Variants in TIMM44 observed in about 807,000 individuals in gnomAD.
TIMM44 encodes the protein translocase of inner mitochondrial membrane 44, also known as mitochondrial import inner membrane translocase subunit TIM44.
In TIMM44, 37 loss-of-function variants were observed where a neutral mutation model predicts 63.8. The observed-to-expected ratio is 0.58, with a 90% CI of 0.45 to 0.76. The LOEUF (loss-of-function observed/expected upper bound fraction) is 0.76, where lower values mean the gene tolerates loss of function less well. Among genes scored for constraint, TIMM44 ranks in the 30% least tolerant of loss-of-function variants. The pLI, the probability that TIMM44 is intolerant of heterozygous loss-of-function variation, is 0.00. For synonymous variants in TIMM44, 239 were observed against 245.1 expected, an observed-to-expected ratio of 0.98 and a Z score of 0.23; for missense variants, 573 against 603.8, an observed-to-expected ratio of 0.95 and a Z score of 0.54.
At chr19:7,929,695 C>G (rs937246560) in intron 10 of TIMM44, among the ~76,000 whole-genome samples, 4 of 151,032 alleles carry the variant, frequency 2.6e-5, no homozygotes, top group East Asian at 1.9e-4. Flanking sequence ...CCCAGCCCCC[C>G]CCCAGTCATG....
chr19:7,939,003 G>T (rs1984229472), intron 2 of TIMM44, among the ~76,000 whole-genome samples: 1 of 76 alleles, frequency 0.013, no homozygotes, highest in Admixed American at 0.083. Context: ...ATCAGTGGTT[G>T]CCAGGGGTTT....
chr19:7,933,859 C>T lies in TIMM44; in HGVS notation c.683+5G>A, dbSNP rs1984058394. The T allele has an allele frequency of 6.2e-7, 1 of 1,613,964 alleles. No homozygotes were observed. ...GGGCAGCGAGGGCCACGGGCTGGTA[C>T]CTACTCGTTTGGCTCAAACACTTTC... On this transcript the variant is annotated splice_donor_5th_base_variant and intron_variant, in intron 6 of 12. Coordinates refer to ENST00000270538, the MANE Select transcript of TIMM44 (RefSeq NM_006351.4). This position sits in a 1 kb window ranked among gnomAD's most constrained non-coding sequence, Gnocchi z 4.3.
chr19:7,931,345 G>A (rs1983977003), intron 9 of TIMM44, 157 bp from the exon 10 acceptor site: 2 of 727,340 alleles, frequency 2.7e-6, no homozygotes, highest in South Asian at 2.9e-5. Flanking sequence ...GGCACTGGGT[G>A]TCCCCCCCAG....
intron 2 of TIMM44, among the ~76,000 whole-genome samples, 182 bp downstream of exon 2, chr19:7,940,920 T>C (rs1984289523): frequency 1.3e-5 from 2 of 151,774 alleles, no homozygotes; most frequent in South Asian, 2.1e-4. Context: ...AGGTCAAGTG[T>C]TTCTGGGACC....
rs952675860 is a variant in TIMM44 at position 7,933,150 on chromosome 19, T to C, written c.770-218A>G. On this transcript the variant is annotated intron_variant, in intron 7 of 12. Transcript: ENST00000270538. This position sits in a 1 kb window ranked among gnomAD's most constrained non-coding sequence, Gnocchi z 4.3. ...CGCAGAGGCCCCTCAGCTGCGGCCC[T>C]AATGGGGCTGTGTAAGTTATGGGCC... Among the ~76,000 whole-genome samples the C allele has an allele frequency of 2.6e-5, 4 of 152,112 alleles. No individual in the cohort carries two copies. Among genetic ancestry groups the C allele is most frequent in the Non-Finnish European group, 5.9e-5 (4 of 67,996 alleles).
chr19:7,931,654 G>T (rs1599647301), intron 9 of TIMM44: 1 of 187,286 alleles, frequency 5.3e-6, no homozygotes, highest in African/African-American at 2.4e-5. Flanking sequence ...CAGCGAGAGG[G>T]AGGGGTGGGC....
At chr19:7,938,424 A>T (rs1211852967) in intron 2 of TIMM44, among the ~76,000 whole-genome samples, 1 of 152,156 alleles carries the variant, frequency 6.6e-6, no homozygotes, top group African/African-American at 2.4e-5. Context: ...CTGAAAAAAA[A>T]ATGAGCTCTC....
chr19:7,930,370 G>A (rs990017940), intron 10 of TIMM44, among the ~76,000 whole-genome samples: 5 of 147,276 alleles, frequency 3.4e-5, no homozygotes, highest in Non-Finnish European at 7.4e-5. Context: ...GTGCAGTGGC[G>A]CGACCTCAGC....
intron 10 of TIMM44, among the ~76,000 whole-genome samples, chr19:7,930,340 G>C (rs1172891438): frequency 8.4e-6 from 1 of 119,560 alleles, no homozygotes; most frequent in Non-Finnish European, 1.6e-5. Context: ...ACAGAATCTT[G>C]CTCTGTTGCC....
At chr19:7,928,708 G>C (rs1300542817) in intron 10 of TIMM44, 1 of 151,774 alleles carries the variant, frequency 6.6e-6, no homozygotes, top group Non-Finnish European at 1.5e-5. Flanking sequence ...TGTTCTGATA[G>C]CATCTACTTT....
Position 7,927,245 on chromosome 19 carries a change from G to A in TIMM44, c.1301C>T (p.Pro434Leu). The A allele has an allele frequency of 6.2e-7, 1 of 1,612,588 alleles. No individual in the cohort carries two copies. Among genetic ancestry groups the A allele is most frequent in the Non-Finnish European group, 8.5e-7 (1 of 1,179,950 alleles). Residue 434 changes from proline (P) to leucine (L), a missense_variant, in exon 13 of 13, where the codon CCC becomes CTC. Physicochemically the swap from Pro to Leu is moderately conservative, Grantham distance 98. Transcript: ENST00000270538. ...ALCRDQDELN[P>L]YAAWRLLDIS... ...GTCCAGGAGCCGCCAGGCCGCGTAGGGGTTGAGCTCGTCCTGGTCTCGGCA... is the reference window on the plus strand; with the variant it reads ...GTCCAGGAGCCGCCAGGCCGCGTAGAGGTTGAGCTCGTCCTGGTCTCGGCA...
intron 1 of TIMM44, among the ~76,000 whole-genome samples, 191 bp from the exon 2 acceptor site, chr19:7,941,388 A>G (rs1391016009): frequency 6.6e-6 from 1 of 151,730 alleles, no homozygotes; most frequent in African/African-American, 2.4e-5. Context: ...CCTGGGTTCA[A>G]GCGATTCTCC....
chr19:7,941,404 C>T (rs1333214446), intron 1 of TIMM44, among the ~76,000 whole-genome samples: 1 of 151,814 alleles, frequency 6.6e-6, no homozygotes, highest in African/African-American at 2.4e-5. Context: ...TCTCCTGCCT[C>T]AGTCTCCCGA....
chr19:7,937,737 G>A, intron 3 of TIMM44: 1 of 384,936 alleles, frequency 2.6e-6, no homozygotes, highest in African/African-American at 2.1e-5. Flanking sequence ...AAGCAAAGGG[G>A]CCCAACGCGG....
chr19:7,928,510 T>C (rs992890637), intron 10 of TIMM44: 4 of 297,412 alleles, frequency 1.3e-5, no homozygotes, highest in South Asian at 3.8e-5. Context: ...CGCCGCACTC[T>C]GAATCTTGGC....
intron 2 of TIMM44, among the ~76,000 whole-genome samples, chr19:7,940,448 G>C (rs1984276853): frequency 6.6e-6 from 1 of 152,048 alleles, no homozygotes; most frequent in East Asian, 1.9e-4. Context: ...CGGGGGACTA[G>C]ACAAGAAAGG....
In TIMM44 at chr19:7,934,958, C is replaced by T; in HGVS notation, c.393+107G>A. 1 of 1,001,872 alleles carries T rather than the reference C, an allele frequency of 1.0e-6. No homozygotes were observed. The highest frequency in any genetic ancestry group is 1.5e-6 in the Non-Finnish European group (1 of 649,812). 62.1% of individuals were successfully genotyped at this position (1,001,872 alleles called of 1,614,324 possible). On this transcript the variant is annotated intron_variant, in intron 4 of 12. Coordinates refer to ENST00000270538, the MANE Select transcript of TIMM44 (RefSeq NM_006351.4). The surrounding 1 kb of genome is among the most constrained non-coding windows in gnomAD (Gnocchi z 5.3). The stretch of plus-strand genomic sequence containing the variant: ...GGGTGGCAGCACGCCCCATGCCACC[C>T]ACTGCTGCCAAGCCACCCCCACCCA...
intron 11 of TIMM44, 77 bp from the exon 12 acceptor site, chr19:7,927,844 T>A: frequency 7.0e-7 from 1 of 1,429,058 alleles, no homozygotes; most frequent in Non-Finnish European, 9.7e-7. Context: ...CCCCTGCGCC[T>A]AGGCCCTGCT....
At chr19:7,937,641 A>G (rs1278253001) in intron 3 of TIMM44, among the ~76,000 whole-genome samples, 1 of 152,164 alleles carries the variant, frequency 6.6e-6, no homozygotes, top group Non-Finnish European at 1.5e-5. Context: ...CCTGCCCCCA[A>G]CCGTCCAGCC....
Sources: gnomAD v4.1 joint callset for allele counts (sites outside exome capture counted in the v4.1 genomes callset) on GRCh38, gnomAD v4.1.1 for gene constraint, Gnocchi (gnomAD v3.1) non-coding constraint, MANE v1.5 for transcripts, NCBI Gene and HGNC (gene_info 2026-07-23, HGNC 2026-07-21) for gene names.